The following GLDC variants were observed in gnomAD, a reference collection of about 807,000 sequenced individuals.
GLDC encodes the protein glycine dehydrogenase (decarboxylating), mitochondrial.
A neutral mutation model predicts 121.3 loss-of-function variants in GLDC; 104 were observed. The observed-to-expected ratio is 0.86, with a 90% CI of 0.73 to 1.01. GLDC has a LOEUF of 1.01. Ranked by LOEUF, GLDC falls within the 50% of genes least tolerant of loss-of-function variation. GLDC has a pLI of 0.00. For missense variants in GLDC, 1,429 were observed against 1,306.6 expected, an observed-to-expected ratio of 1.09 and a Z score of -1.44; for synonymous variants, 546 against 480.6, an observed-to-expected ratio of 1.14 and a Z score of -1.78.
At chr9:6,591,019 T>C (rs1341277383) in intron 11 of GLDC, among the ~76,000 whole-genome samples, 1 of 152,240 alleles carries the variant, frequency 6.6e-6, no homozygotes, top group Non-Finnish European at 1.5e-5. Flanking sequence ...TACTTAGTGA[T>C]TAATACACAC....
At chr9:6,575,769 G>A (rs1280469873) in intron 15 of GLDC, among the ~76,000 whole-genome samples, 3 of 152,140 alleles carry the variant, frequency 2.0e-5, no homozygotes, top group Admixed American at 6.6e-5. Flanking sequence ...TACTCTTTCT[G>A]TCTGCCTTAA....
intron 16 of GLDC, among the ~76,000 whole-genome samples, chr9:6,563,550 G>A (rs1234992516): frequency 2.0e-5 from 3 of 152,180 alleles, no homozygotes; most frequent in Admixed American, 2.0e-4. Flanking sequence ...ACAGACAGGA[G>A]AGAATCTGGC....
At chr9:6,583,252 A>G (rs1818206686) in intron 15 of GLDC, among the ~76,000 whole-genome samples, 1 of 152,204 alleles carries the variant, frequency 6.6e-6, no homozygotes, top group East Asian at 1.9e-4. Flanking sequence ...GGACTCAACT[A>G]GATACTTGTA....
intron 16 of GLDC, among the ~76,000 whole-genome samples, chr9:6,561,278 C>A (rs1003313308): frequency 6.6e-6 from 1 of 152,208 alleles, no homozygotes; most frequent in Non-Finnish European, 1.5e-5. Flanking sequence ...ATGTTGCTGT[C>A]AGACATTTCT....
intron 8 of GLDC, among the ~76,000 whole-genome samples, chr9:6,599,304 G>T (rs749644736): frequency 2.0e-5 from 3 of 152,096 alleles, no homozygotes; most frequent in African/African-American, 4.8e-5. Flanking sequence ...ATGATCAGAC[G>T]GAAACCTGGA....
intron 4 of GLDC, among the ~76,000 whole-genome samples, chr9:6,609,816 C>T (rs541453715): frequency 2.0e-5 from 3 of 152,222 alleles, no homozygotes; most frequent in African/African-American, 4.8e-5. Context: ...CCCTCGCAGC[C>T]CCCAGGCCTG....
chr9:6,638,046 T>C (rs1398566896), intron 2 of GLDC, among the ~76,000 whole-genome samples: 2 of 152,076 alleles, frequency 1.3e-5, no homozygotes, highest in Non-Finnish European at 2.9e-5. Context: ...TCGACATTTA[T>C]CTGAATATCC....
Position 6,556,305 on chromosome 9 carries a change from G to A in GLDC, c.2053-3C>T, listed in dbSNP as rs1563835887. On this transcript the variant is annotated splice_polypyrimidine_tract_variant and splice_region_variant and intron_variant, in intron 17 of 24. Transcript: ENST00000321612. ...AGGTTCTCCTTGTGCTTATCCACCT[G>A]TGAAAGAAAAGGGGTAGAGAAGGAC... The A allele has an allele frequency of 1.2e-6, 2 of 1,612,644 alleles. No homozygotes were observed.
chr9:6,640,145 G>C (rs1228295328), intron 2 of GLDC, among the ~76,000 whole-genome samples: 1 of 152,180 alleles, frequency 6.6e-6, no homozygotes, highest in Non-Finnish European at 1.5e-5. Flanking sequence ...CTGCCAATAT[G>C]CAAGTCTGAC....
In GLDC at chr9:6,610,351, G is replaced by C; in HGVS notation, c.476C>G (p.Thr159Ser). 2 of 1,614,032 alleles carry C rather than the reference G, an allele frequency of 1.2e-6. No individual in the cohort carries two copies. The highest frequency in any genetic ancestry group is 1.7e-6 in the Non-Finnish European group (2 of 1,179,910). ...RNLLENSGWITQYTPYQPEVS... is the reference protein window; with the variant it reads ...RNLLENSGWISQYTPYQPEVS... Reference sequence around the variant, plus strand: ...CTCAGGCTGGTATGGAGTATACTGGGTGATCCTGCAAGGGAAACAAAAGGT... The same window carrying C: ...CTCAGGCTGGTATGGAGTATACTGGCTGATCCTGCAAGGGAAACAAAAGGT... Residue 159 changes from threonine to serine, a missense_variant, in exon 4 of 25, where the codon ACC becomes AGC. Physicochemically the swap from Thr to Ser is moderately conservative, Grantham distance 58 (BLOSUM62 1). Transcript: ENST00000321612.
intron 15 of GLDC, among the ~76,000 whole-genome samples, chr9:6,574,778 A>G (rs928516399): frequency 3.3e-5 from 5 of 151,942 alleles, no homozygotes; most frequent in Admixed American, 2.0e-4. Flanking sequence ...TTTGGCCCCC[A>G]GAGTACTCTG....
intron 15 of GLDC, among the ~76,000 whole-genome samples, chr9:6,570,854 C>CAAA (rs34740127): frequency 8.0e-5 from 8 of 99,408 alleles, no homozygotes; most frequent in South Asian, 3.7e-4. Flanking sequence ...AACTCTGTCT[C>CAAA]AAAAAAAAAA....
At chr9:6,540,472 T>G in intron 21 of GLDC, 2 of 354,782 alleles carry the variant, frequency 5.6e-6, no homozygotes, top group Non-Finnish European at 1.1e-5. Context: ...ATTTCTATTC[T>G]GCGGACATAA....
chr9:6,632,932 T>G (rs2129990524), intron 2 of GLDC, among the ~76,000 whole-genome samples: 1 of 152,260 alleles, frequency 6.6e-6, no homozygotes, highest in Non-Finnish European at 1.5e-5. Context: ...AGACCCTCCC[T>G]GCAGGCCGAT....
At chr9:6,605,010 A>G in intron 6 of GLDC, 121 bp downstream of exon 6, 3 of 1,089,432 alleles carry the variant, frequency 2.8e-6, no homozygotes, top group Admixed American at 1.8e-5. Flanking sequence ...GGAGAGTTTT[A>G]CCATTCCATG....
At chr9:6,576,591 C>G (rs551048433) in intron 15 of GLDC, among the ~76,000 whole-genome samples, 3 of 152,100 alleles carry the variant, frequency 2.0e-5, no homozygotes, top group African/African-American at 2.4e-5. Context: ...CTCAGCCTCC[C>G]GAGTAGCTGG....
chr9:6,567,235 G>C (rs931990901), intron 15 of GLDC: 1 of 152,144 alleles, frequency 6.6e-6, no homozygotes, highest in African/African-American at 2.4e-5. Context: ...AGCTATCTCC[G>C]CTCTCTTCCA....
At position 6,645,660 on chromosome 9, in the gene GLDC, G is replaced by A; in HGVS notation, c.-161C>T. 2.4e-6 allele frequency: 1 copy of A among 413,670 alleles called. No individual in the cohort carries two copies. The highest frequency in any genetic ancestry group is 3.8e-6 in the Non-Finnish European group (1 of 262,744). The allele number at this position is 413,670 out of a possible 1,614,324, so 25.6% of individuals were successfully genotyped here. ...GATGGACGCTCGCGGGCAATGAATG[G>A]GCGCTGCGCTCAACCAAGACACTCG... is the stretch of plus-strand genomic sequence containing the variant. On this transcript the variant is annotated 5_prime_UTR_variant, in exon 1 of 25. Transcript: ENST00000321612.
chr9:6,644,259 C>T (rs1192305454), intron 2 of GLDC, among the ~76,000 whole-genome samples: 1 of 151,776 alleles, frequency 6.6e-6, no homozygotes, highest in Non-Finnish European at 1.5e-5. Flanking sequence ...TGAGTCTATC[C>T]GGGTCTGCGC....
Sources: allele counts gnomAD v4.1 joint callset (sites outside exome capture counted in the v4.1 genomes callset), GRCh38; gene constraint gnomAD v4.1.1; transcripts MANE v1.5; gene names NCBI Gene and HGNC (gene_info 2026-07-23, HGNC 2026-07-21).